The following PCDHA10 variants were observed in gnomAD, a reference collection of about 807,000 sequenced individuals.
PCDHA10 encodes the protein protocadherin alpha 10, also known as protocadherin alpha-10.
Under a neutral mutation model 61.2 loss-of-function variants are expected in PCDHA10, and 45 were observed. The ratio of observed to expected loss-of-function variants is 0.74; its 90% CI spans 0.58 to 0.94. The LOEUF is 0.94. Ranked by LOEUF, PCDHA10 falls within the 40% of genes least tolerant of loss-of-function variation. The pLI, the probability that PCDHA10 is intolerant of heterozygous loss-of-function variation, is 0.00. For missense variants in PCDHA10, 1,278 were observed against 1,236.2 expected, an observed-to-expected ratio of 1.03 and a Z score of -0.51; for synonymous variants, 602 against 548.8, an observed-to-expected ratio of 1.10 and a Z score of -1.35.
intron 1 of PCDHA10, chr5:140,859,719 T>C (rs1562546995): frequency 6.5e-6 from 1 of 154,108 alleles, no homozygotes; most frequent in Non-Finnish European, 1.4e-5. Flanking sequence ...CAAAAAAAAA[T>C]TGTGGCAAGA....
chr5:140,995,372 G>A (rs1363484150), intron 3 of PCDHA10, among the ~76,000 whole-genome samples: 3 of 152,168 alleles, frequency 2.0e-5, no homozygotes, highest in African/African-American at 7.2e-5. Context: ...GATGATTCAC[G>A]TACTGGGCAG....
rs782070226 is a variant in PCDHA10 at position 141,010,142 on chromosome 5, C to G, written c.*205C>G. 1 of 1,588,326 alleles carries G rather than the reference C, an allele frequency of 6.3e-7. No homozygotes were observed. Among genetic ancestry groups the G allele is most frequent in the South Asian group, 1.1e-5 (1 of 88,492 alleles). On this transcript the variant is annotated 3_prime_UTR_variant, in exon 4 of 4. Transcript: ENST00000307360. ...TTACTAAGTCTGGTGTTAACTCTTTCTCTCCACTCTGGCTTGTTTTCAGAA... is the reference window on the plus strand; with the variant it reads ...TTACTAAGTCTGGTGTTAACTCTTTGTCTCCACTCTGGCTTGTTTTCAGAA...
chr5:140,898,887 C>T (rs1554188288), intron 1 of PCDHA10, among the ~76,000 whole-genome samples: 1 of 152,028 alleles, frequency 6.6e-6, no homozygotes, highest in Non-Finnish European at 1.5e-5. Context: ...TTGTAGTTCT[C>T]CTTGAAGAGG....
intron 1 of PCDHA10, among the ~76,000 whole-genome samples, chr5:140,936,745 T>C (rs2091123001): frequency 6.6e-6 from 1 of 152,234 alleles, no homozygotes; most frequent in Non-Finnish European, 1.5e-5. Context: ...ACTTTTCATT[T>C]GTATTGATAT....
intron 1 of PCDHA10, among the ~76,000 whole-genome samples, chr5:140,922,023 T>TA (rs530025575): frequency 3.9e-5 from 6 of 151,968 alleles, no homozygotes; most frequent in African/African-American, 1.4e-4. Flanking sequence ...AAAATAAATA[T>TA]AAAAAATGTA....
At chr5:140,909,709 A>G (rs2153511702) in intron 1 of PCDHA10, among the ~76,000 whole-genome samples, 1 of 152,294 alleles carries the variant, frequency 6.6e-6, no homozygotes, top group Non-Finnish European at 1.5e-5. Context: ...GCTGCTAAGT[A>G]TACCTATGCC....
At chr5:140,883,225 C>T in intron 1 of PCDHA10, 1 of 1,613,914 alleles carries the variant, frequency 6.2e-7, no homozygotes, top group East Asian at 2.2e-5. Context: ...ATGAAATATC[C>T]GTGGAGGCAG....
At chr5:140,978,861 T>C (rs540878929) in intron 1 of PCDHA10, 88 bp from the exon 2 acceptor site, 1 of 1,599,110 alleles carries the variant, frequency 6.3e-7, no homozygotes, top group African/African-American at 1.3e-5. Flanking sequence ...CCTGGAAATA[T>C]TTAAGGGAGT....
chr5:141,001,403 G>C (rs2098015477), intron 3 of PCDHA10, among the ~76,000 whole-genome samples: 1 of 152,232 alleles, frequency 6.6e-6, no homozygotes, highest in Non-Finnish European at 1.5e-5. Flanking sequence ...AGAACAGGGA[G>C]TATATTTTTA....
intron 1 of PCDHA10, among the ~76,000 whole-genome samples, chr5:140,911,493 A>G (rs1157677496): frequency 6.6e-6 from 1 of 152,168 alleles, no homozygotes; most frequent in African/African-American, 2.4e-5. Context: ...CAATCTTAGC[A>G]GGTTTGAGGT....
At chr5:140,865,628 G>A (rs2048940891) in intron 1 of PCDHA10, 1 of 152,162 alleles carries the variant, frequency 6.6e-6, no homozygotes, top group African/African-American at 2.4e-5. Flanking sequence ...TAGACATCAT[G>A]AAGGGACTTA....
intron 1 of PCDHA10, among the ~76,000 whole-genome samples, chr5:140,950,687 C>A (rs2153690415): frequency 6.6e-6 from 1 of 152,106 alleles, no homozygotes; most frequent in South Asian, 2.1e-4. Context: ...ATATTGTTAA[C>A]CAAATTTGAC....
Position 140,949,361 on chromosome 5 carries a change from G to C in PCDHA10, c.2389-29588G>C, listed in dbSNP as rs150004166. 4.9e-3 allele frequency among the ~76,000 whole-genome samples: 749 copies of C among 151,546 alleles called. 8 individuals are homozygous for C. The highest frequency in any genetic ancestry group is 0.017 in the African/African-American group (722 of 41,420). On this transcript the variant is annotated intron_variant, in intron 1 of 3. Coordinates refer to ENST00000307360, the MANE Select transcript of PCDHA10 (RefSeq NM_018901.4). ...AGATTTTCTGTGTCTTTATTTTTTT[G>C]TCTAGTTGTCCTATCAATTGCTCAG...
intron 1 of PCDHA10, chr5:140,929,146 CAG>C (rs782305171): frequency 6.2e-7 from 1 of 1,614,180 alleles, no homozygotes; most frequent in Non-Finnish European, 8.5e-7. Flanking sequence ...GAGACTTTCT[CAG>C]ACTTATCTCT....
intron 1 of PCDHA10, among the ~76,000 whole-genome samples, chr5:140,977,031 G>A (rs1554238180): frequency 6.6e-6 from 1 of 152,192 alleles, no homozygotes; most frequent in Admixed American, 6.5e-5. Context: ...ATGAATCTAA[G>A]AAGGATGTTG....
At chr5:140,881,523 C>T in intron 1 of PCDHA10, 1 of 194,568 alleles carries the variant, frequency 5.1e-6, no homozygotes, top group Non-Finnish European at 9.4e-6. Context: ...AAATCCCACA[C>T]ATATTGACTG....
Position 140,855,898 on chromosome 5 carries a change from G to A in PCDHA10, c.-151G>A, listed in dbSNP as rs1376080339. The A allele has an allele frequency of 2.8e-6, 3 of 1,069,996 alleles. No homozygotes were observed. Among genetic ancestry groups the A allele is most frequent in the African/African-American group, 1.6e-5 (1 of 63,178 alleles). The allele number at this position is 1,069,996 out of a possible 1,614,324, so 66.3% of individuals were successfully genotyped here. ...ATAGCTTTTTAGAACAAAGGCATCAGCCAGTTTCTCAAGGACTAGGAAGTA... is the reference window on the plus strand; with the variant it reads ...ATAGCTTTTTAGAACAAAGGCATCAACCAGTTTCTCAAGGACTAGGAAGTA... On this transcript the variant is annotated 5_prime_UTR_variant, in exon 1 of 4. Transcript: ENST00000307360.
At chr5:140,882,096 T>A in intron 1 of PCDHA10, 1 of 1,224,746 alleles carries the variant, frequency 8.2e-7, no homozygotes, top group Non-Finnish European at 1.1e-6. Flanking sequence ...ACTGAGAACG[T>A]TTCCGCGAAG....
intron 1 of PCDHA10, among the ~76,000 whole-genome samples, chr5:140,941,011 C>T (rs1554213684): frequency 6.6e-6 from 1 of 152,124 alleles, no homozygotes; most frequent in African/African-American, 2.4e-5. Context: ...TTTTCCTTTC[C>T]TATTTTCCTT....
Sources: allele counts gnomAD v4.1 joint callset (sites outside exome capture counted in the v4.1 genomes callset), GRCh38; gene constraint gnomAD v4.1.1; transcripts MANE v1.5; gene names NCBI Gene and HGNC (gene_info 2026-07-23, HGNC 2026-07-21).